ADGRG1: variants seen among roughly 807,000 people sequenced by gnomAD.
ADGRG1 encodes adhesion G protein-coupled receptor G1.
Under a neutral mutation model 73.5 loss-of-function variants are expected in ADGRG1, and 53 were observed. The observed-to-expected ratio is 0.72, with a 90% CI of 0.58 to 0.91. The LOEUF (loss-of-function observed/expected upper bound fraction) is 0.91. Among genes scored for constraint, ADGRG1 ranks in the 40% least tolerant of loss-of-function variants. The pLI is 0.00. For missense variants in ADGRG1, 795 were observed against 871.8 expected, an observed-to-expected ratio of 0.91 and a Z score of 1.11; for synonymous variants, 394 against 374.4, an observed-to-expected ratio of 1.05 and a Z score of -0.60.
chr16:57,650,403 C>T (rs1486797408), intron 2 of ADGRG1, 52 bp downstream of exon 2: 10 of 1,610,662 alleles, frequency 6.2e-6, no homozygotes, highest in Non-Finnish European at 8.5e-6. Flanking sequence ...TTAAAATGCC[C>T]CTGTGCCTAG....
At chr16:57,636,177 C>G (rs2039322716) in intron 1 of ADGRG1, 6 of 985,216 alleles carry the variant, frequency 6.1e-6, no homozygotes, top group Non-Finnish European at 7.2e-6. Flanking sequence ...CTGGGCTCCC[C>G]TTAGGCCCGA....
chr16:57,660,905 A>C, intron 12 of ADGRG1, 29 bp downstream of exon 12: 1 of 1,320,324 alleles, frequency 7.6e-7, no homozygotes, highest in Non-Finnish European at 1.1e-6. Flanking sequence ...TGGGGGCAAG[A>C]AGGTGGGTCT....
At chr16:57,657,614 G>A (rs934916330) in intron 10 of ADGRG1, 123 bp downstream of exon 10, 3 of 828,652 alleles carry the variant, frequency 3.6e-6, no homozygotes, top group Middle Eastern at 3.3e-4. Context: ...GTGTGGTTAG[G>A]GGAGCTGTTT....
At chr16:57,646,767 C>T (rs997742788) in intron 1 of ADGRG1, 1 of 921,524 alleles carries the variant, frequency 1.1e-6, no homozygotes, top group African/African-American at 1.8e-5. Flanking sequence ...GTGTCCGCAT[C>T]TGTAAAATGG....
In ADGRG1 at chr16:57,643,584, CT is replaced by C. The variant is rs1447732295; in HGVS notation, c.-35-6668del. 2.6e-5 allele frequency: 26 copies of C among 984,798 alleles called. No individual in the cohort carries two copies. The African/African-American group carries it at 4.5e-4, about 17-fold the overall frequency. The allele number at this position is 984,798 out of a possible 1,614,324, so 61.0% of individuals were successfully genotyped here. On this transcript the variant is annotated intron_variant, in intron 1 of 13. Coordinates refer to ENST00000562631, the MANE Select transcript of ADGRG1 (RefSeq NM_201525.4). Reference sequence around the variant, plus strand: ...GGGGGGTGGGGGGTGTCCAGCAGGTCTGGTGTAAGAGTGTGAGGCTCACCCT... The same window carrying C: ...GGGGGGTGGGGGGTGTCCAGCAGGTCGGTGTAAGAGTGTGAGGCTCACCCT...
chr16:57,660,948 C>A (rs1597660056), intron 12 of ADGRG1, 72 bp downstream of exon 12: 3 of 924,488 alleles, frequency 3.2e-6, no homozygotes, highest in Non-Finnish European at 5.3e-6. Context: ...AGCCCGGGCC[C>A]AGGTCATGCT....
At chr16:57,634,661 A>G (rs1419359174) in intron 1 of ADGRG1, 1 of 194,578 alleles carries the variant, frequency 5.1e-6, no homozygotes, top group African/African-American at 2.4e-5. Context: ...CATTCCCATG[A>G]TAGGTAGTGA....
intron 1 of ADGRG1, among the ~76,000 whole-genome samples, chr16:57,649,784 CTT>C (rs370663242): frequency 6.8e-6 from 1 of 146,592 alleles, no homozygotes; most frequent in Non-Finnish European, 1.5e-5. Context: ...ACTCCCCCGC[CTT>C]TTTTTTTTTA....
intron 10 of ADGRG1, 147 bp downstream of exon 10, chr16:57,657,638 C>T (rs1353758013): frequency 2.7e-6 from 2 of 739,396 alleles, no homozygotes; most frequent in Non-Finnish European, 4.9e-6. Flanking sequence ...GTAAGCTGAC[C>T]CTTGGGGGCC....
chr16:57,631,248 G>T, intron 1 of ADGRG1: 1 of 986,394 alleles, frequency 1.0e-6, no homozygotes, highest in Non-Finnish European at 1.2e-6. Flanking sequence ...TCCTGGCAAG[G>T]CCCAGCATGA....
Position 57,663,505 on chromosome 16 carries a change from C to T in ADGRG1, c.1987C>T (p.Pro663Ser). 6.2e-7 allele frequency: 1 copy of T among 1,613,886 alleles called. No individual in the cohort carries two copies. The highest frequency in any genetic ancestry group is 8.5e-7 in the Non-Finnish European group (1 of 1,179,894). The change falls in exon 14 of 14, where the codon CCC (proline) becomes TCC (serine). Residue 663 changes from proline (P) to serine (S), a missense_variant. Coordinates refer to ENST00000562631, the MANE Select transcript of ADGRG1 (RefSeq NM_201525.4). Reference protein sequence around the residue: ...WSMRLQARGGPSPLKSNSDSA... With the variant: ...WSMRLQARGGSSPLKSNSDSA... The stretch of plus-strand genomic sequence containing the variant: ...CATGCGGCTGCAGGCCCGGGGTGGC[C>T]CCTCCCCTCTGAAGAGCAACTCAGA...
upstream of ADGRG1, chr16:57,628,177 T>G: frequency 2.0e-6 from 2 of 985,386 alleles, no homozygotes; most frequent in Non-Finnish European, 2.4e-6. Flanking sequence ...CGGTCAGCAC[T>G]GGCTCCCGTC....
Position 57,628,879 on chromosome 16 carries a change from TGTGTGAGA to T in ADGRG1, c.-36+85_-36+92del, listed in dbSNP as rs1455638231. On this transcript the variant is annotated intron_variant, in intron 1 of 13. Coordinates refer to ENST00000562631, the MANE Select transcript of ADGRG1 (RefSeq NM_201525.4). ...GAGAGTGTGAGTGTGTGAGCGTGAG[TGTGTGAGA>T]GTGTGAGTGTGTGAGTGTGAGTGTG... 4.0e-5 allele frequency: 32 copies of T among 802,940 alleles called. 1 individual carries two copies. The highest frequency in any genetic ancestry group is 3.8e-4 in the East Asian group (3 of 7,794). The allele number at this position is 802,940 out of a possible 1,614,324, so 49.7% of individuals were successfully genotyped here.
chr16:57,661,416 A>AT, intron 12 of ADGRG1: 1 of 985,346 alleles, frequency 1.0e-6, no homozygotes, highest in Non-Finnish European at 1.2e-6. Context: ...AATCCTTCCC[A>AT]TTGGCTCAGT....
At chr16:57,626,878 A>G (rs2035940424), upstream of ADGRG1, 1 of 982,162 alleles carries the variant, frequency 1.0e-6, no homozygotes, top group Non-Finnish European at 1.2e-6. Context: ...CCTCCCCTAG[A>G]TAACTCACTT....
At chr16:57,662,461 C>A (rs561695400) in intron 13 of ADGRG1, among the ~76,000 whole-genome samples, 11 of 152,242 alleles carry the variant, frequency 7.2e-5, no homozygotes, top group East Asian at 5.8e-4. Flanking sequence ...GCAGCAGCAG[C>A]GTTGTTAGGA....
At chr16:57,621,118 G>A (rs1378845238) in intron 1 of ADGRG1, 1 of 152,128 alleles carries the variant, frequency 6.6e-6, no homozygotes, top group African/African-American at 2.4e-5. Flanking sequence ...GGGGCGTGTG[G>A]GCAGCAAATG....
intron 13 of ADGRG1, chr16:57,662,972 T>C: frequency 1.0e-6 from 1 of 985,360 alleles, no homozygotes; most frequent in Non-Finnish European, 1.2e-6. Flanking sequence ...TTATTTAACA[T>C]TCAAGCCTTC....
chr16:57,636,479 C>T (rs1178113426), intron 1 of ADGRG1: 1 of 985,234 alleles, frequency 1.0e-6, no homozygotes, highest in South Asian at 4.7e-5. Flanking sequence ...GGCCAAGCAG[C>T]CGGCAGAGGT....
Sources: allele counts gnomAD v4.1 joint callset (sites outside exome capture counted in the v4.1 genomes callset), GRCh38; gene constraint gnomAD v4.1.1; transcripts MANE v1.5; gene names NCBI Gene and HGNC (gene_info 2026-07-23, HGNC 2026-07-21).